The following CDH8 variants were observed in gnomAD, a reference collection of about 807,000 sequenced individuals.
CDH8 encodes cadherin-8.
Under a neutral mutation model 68.1 loss-of-function variants are expected in CDH8, and 17 were observed. That is an observed-to-expected ratio of 0.25 (90% confidence interval 0.17 to 0.37). The LOEUF (loss-of-function observed/expected upper bound fraction) is 0.37. CDH8 is among the 10% of genes least tolerant of loss of function. CDH8 has a pLI of 1.00. For synonymous variants in CDH8, 372 were observed against 365.1 expected, an observed-to-expected ratio of 1.02 and a Z score of -0.21; for missense variants, 763 against 999.3, an observed-to-expected ratio of 0.76 and a Z score of 3.19.
At chr16:61,872,275 C>T (rs1293532635) in intron 3 of CDH8, among the ~76,000 whole-genome samples, 1 of 152,070 alleles carries the variant, frequency 6.6e-6, no homozygotes, top group African/African-American at 2.4e-5. Context: ...GGTTAAGGTC[C>T]CAACCATGAC....
Position 61,800,742 on chromosome 16 carries a change from C to A in CDH8, c.1278-11260G>T, listed in dbSNP as rs1419857866. 2.0e-5 allele frequency among the ~76,000 whole-genome samples: 3 copies of A among 152,152 alleles called. No homozygotes were observed. The East Asian group carries it at 5.8e-4, about 29-fold the overall frequency. On this transcript the variant is annotated intron_variant, in intron 7 of 11. Transcript: ENST00000577390. The stretch of plus-strand genomic sequence containing the variant: ...TTTGACAAATGAATGAAAATAGAAG[C>A]TCTCCATTTCCACCGTGCTCTCTTC...
intron 4 of CDH8, among the ~76,000 whole-genome samples, chr16:61,848,144 G>GTTAAAT (rs1962852081): frequency 6.6e-6 from 1 of 151,998 alleles, no homozygotes. Context: ...AATTCTGAAG[G>GTTAAAT]GACATGATAC....
At chr16:62,006,415 T>C (rs1463957627) in intron 2 of CDH8, among the ~76,000 whole-genome samples, 1 of 152,158 alleles carries the variant, frequency 6.6e-6, no homozygotes, top group Non-Finnish European at 1.5e-5. Flanking sequence ...ATTCCCCACC[T>C]TATTAGCCAA....
At chr16:61,903,718 A>G (rs909098553) in intron 2 of CDH8, among the ~76,000 whole-genome samples, 1 of 152,216 alleles carries the variant, frequency 6.6e-6, no homozygotes. Flanking sequence ...TACTTTGCCT[A>G]GAAGACGGGG....
intron 2 of CDH8, among the ~76,000 whole-genome samples, chr16:61,931,509 G>A (rs375178675): frequency 6.6e-6 from 1 of 151,974 alleles, no homozygotes; most frequent in Non-Finnish European, 1.5e-5. Context: ...ACATTCATTA[G>A]GAATCACCTG....
chr16:61,871,554 C>T (rs1392185494), intron 3 of CDH8, among the ~76,000 whole-genome samples: 1 of 151,646 alleles, frequency 6.6e-6, no homozygotes, highest in East Asian at 1.9e-4. Context: ...ATTTAAGAAG[C>T]ATTTAGAACA....
At chr16:61,676,792 A>G (rs1963920791) in intron 10 of CDH8, among the ~76,000 whole-genome samples, 1 of 152,096 alleles carries the variant, frequency 6.6e-6, no homozygotes, top group African/African-American at 2.4e-5. Flanking sequence ...CCTAAAAATA[A>G]AAAATACTCA....
rs745949180 is a variant in CDH8, at chr16:61,650,706, T to TGTGTGTGTGAGAGAGA, written c.*2901_*2902insTCTCTCTCACACACAC. On this transcript the variant is annotated 3_prime_UTR_variant, in exon 12 of 12. Transcript: ENST00000577390. ...GTGTGTGTGTGTGTGTGTGTGTGTG[T>TGTGTGTGTGAGAGAGA]GAGAGAGAGAGAGAGAGAGAGAGAG... 13 of 116,680 alleles carry TGTGTGTGTGAGAGAGA rather than the reference T, an allele frequency of 1.1e-4. No homozygotes were observed. The highest frequency in any genetic ancestry group is 4.0e-4 in the African/African-American group (12 of 29,866). The allele number at this position is 116,680 out of a possible 1,614,324, so 7.2% of individuals were successfully genotyped here.
At chr16:61,886,445 A>T (rs1009391695) in intron 3 of CDH8, among the ~76,000 whole-genome samples, 1 of 152,238 alleles carries the variant, frequency 6.6e-6, no homozygotes, top group Non-Finnish European at 1.5e-5. Flanking sequence ...CTGCCACCCA[A>T]GGCATCCAGC....
At chr16:61,972,727 G>A (rs149758940) in intron 2 of CDH8, among the ~76,000 whole-genome samples, 42 of 152,070 alleles carry the variant, frequency 2.8e-4, no homozygotes, top group African/African-American at 9.4e-4. Flanking sequence ...TCCATGGAAT[G>A]ACCTAAGAAT....
chr16:61,803,940 A>T (rs1961728436), intron 7 of CDH8, among the ~76,000 whole-genome samples: 1 of 130,576 alleles, frequency 7.7e-6, no homozygotes, highest in Non-Finnish European at 1.6e-5. Context: ...ATACCCAGGA[A>T]TTGAACTCAG....
chr16:61,906,769 AG>A (rs1964069540), intron 2 of CDH8, among the ~76,000 whole-genome samples: 2 of 152,354 alleles, frequency 1.3e-5, no homozygotes, highest in South Asian at 4.1e-4. Context: ...GATTGTAAAA[AG>A]AAGACAAAGG....
intron 7 of CDH8, among the ~76,000 whole-genome samples, chr16:61,807,142 A>G (rs1040303127): frequency 3.5e-4 from 53 of 150,988 alleles, no homozygotes; most frequent in Admixed American, 1.7e-3. Flanking sequence ...CTATGCAGCC[A>G]TAAAAAATGA....
chr16:62,027,821 T>C (rs995997033), intron 1 of CDH8, among the ~76,000 whole-genome samples: 1 of 152,148 alleles, frequency 6.6e-6, no homozygotes, highest in East Asian at 1.9e-4. Context: ...TCACCTTTCC[T>C]AAAGCCTTCA....
At chr16:61,958,807 T>C (rs1965028448) in intron 2 of CDH8, among the ~76,000 whole-genome samples, 1 of 152,128 alleles carries the variant, frequency 6.6e-6, no homozygotes, top group East Asian at 1.9e-4. Flanking sequence ...CTACTAAGAG[T>C]AGTATTTCAG....
chr16:61,703,128 T>C (rs1293096017), intron 10 of CDH8, among the ~76,000 whole-genome samples: 1 of 152,200 alleles, frequency 6.6e-6, no homozygotes, highest in African/African-American at 2.4e-5. Context: ...ACATAATTCA[T>C]ATTTCTGAAA....
chr16:61,693,764 T>G (rs2142835537), intron 10 of CDH8: 2 of 152,280 alleles, frequency 1.3e-5, no homozygotes, highest in Middle Eastern at 3.4e-3. Flanking sequence ...TAAACCACCT[T>G]CATTTTATAA....
intron 2 of CDH8, among the ~76,000 whole-genome samples, chr16:61,990,833 A>G (rs889914060): frequency 1.3e-5 from 2 of 150,188 alleles, no homozygotes; most frequent in Non-Finnish European, 3.0e-5. Flanking sequence ...TTAATAAAAG[A>G]AAGAAAGAGA....
chr16:61,649,352 TTA>T lies in CDH8; in HGVS notation c.*4254_*4255del, dbSNP rs1232473839. 2.6e-5 allele frequency: 4 copies of T among 151,788 alleles called. No individual in the cohort carries two copies. The East Asian group carries it at 7.7e-4, about 29-fold the overall frequency. 9.4% of individuals were successfully genotyped at this position (151,788 alleles called of 1,614,324 possible). On this transcript the variant is annotated 3_prime_UTR_variant, in exon 12 of 12. Coordinates refer to ENST00000577390, the MANE Select transcript of CDH8 (RefSeq NM_001796.5). ...TTCAATTTGTTGGCAGTGCGTGAGA[TTA>T]TGAGATGAAAAATTAAAACTATAAA...
Sources: allele counts gnomAD v4.1 joint callset (sites outside exome capture counted in the v4.1 genomes callset), GRCh38; gene constraint gnomAD v4.1.1; transcripts MANE v1.5; gene names NCBI Gene and HGNC (gene_info 2026-07-23, HGNC 2026-07-21).